POLR3B: variants seen among roughly 807,000 people sequenced by gnomAD.
POLR3B encodes RNA polymerase III subunit B, also known as DNA-directed RNA polymerase III subunit RPC2.
In POLR3B, 96 loss-of-function variants were observed where a neutral mutation model predicts 147.4. The observed-to-expected ratio is 0.65, with a 90% CI of 0.55 to 0.77. POLR3B has a LOEUF of 0.77. POLR3B is among the 30% of genes least tolerant of loss of function. The pLI is 0.00. For missense variants in POLR3B, 1,036 were observed against 1,413.5 expected (o/e 0.73, Z 4.28); for synonymous variants, 461 against 485.9 (o/e 0.95, Z 0.67).
Position 106,509,572 on chromosome 12 carries a change from A to G in POLR3B, c.*23A>G. 1.2e-6 allele frequency: 2 copies of G among 1,603,474 alleles called. No individual in the cohort carries two copies. Among genetic ancestry groups the G allele is most frequent in the Non-Finnish European group, 1.7e-6 (2 of 1,171,186 alleles). ...TGAGGATGGAAAAAATGATTATTAAAGAGAACAAGTGATACATCCAATGCA... is the reference window on the plus strand; with the variant it reads ...TGAGGATGGAAAAAATGATTATTAAGGAGAACAAGTGATACATCCAATGCA... On this transcript the variant is annotated 3_prime_UTR_variant, in exon 28 of 28. Transcript: ENST00000228347.
intron 10 of POLR3B, among the ~76,000 whole-genome samples, chr12:106,401,580 C>T (rs1019125009): frequency 9.2e-5 from 14 of 152,050 alleles, no homozygotes; most frequent in Non-Finnish European, 1.2e-4. Flanking sequence ...ACTGGCAAAC[C>T]GAATCCAGCA....
intron 21 of POLR3B, 95 bp downstream of exon 21, chr12:106,457,391 A>G: frequency 1.0e-6 from 1 of 978,906 alleles, no homozygotes; most frequent in Non-Finnish European, 1.6e-6. Flanking sequence ...GGCAGAAAAA[A>G]GTAACAACCT....
chr12:106,418,915 T>C (rs2037339191), intron 12 of POLR3B, among the ~76,000 whole-genome samples: 1 of 152,216 alleles, frequency 6.6e-6, no homozygotes, highest in Non-Finnish European at 1.5e-5. Flanking sequence ...TTTACTTCTT[T>C]AGTACCAAGG....
intron 1 of POLR3B, among the ~76,000 whole-genome samples, chr12:106,360,162 T>C (rs1245682967): frequency 2.6e-5 from 4 of 152,246 alleles, no homozygotes; most frequent in African/African-American, 9.6e-5. Flanking sequence ...GGCACCTGAC[T>C]TGTCCCAATC....
At chr12:106,469,054 C>T (rs917484543) in intron 23 of POLR3B, among the ~76,000 whole-genome samples, 4 of 152,040 alleles carry the variant, frequency 2.6e-5, no homozygotes, top group Non-Finnish European at 5.9e-5. Flanking sequence ...TAAAGTCTCC[C>T]ATTATTATTT....
chr12:106,405,580 A>ACACACACACACAC (rs2037140566), intron 10 of POLR3B, among the ~76,000 whole-genome samples: 13 of 150,156 alleles, frequency 8.7e-5, no homozygotes, highest in South Asian at 2.1e-4. Context: ...ACACACACAC[A>ACACACACACACAC]AATATATTTT....
intron 8 of POLR3B, 126 bp downstream of exon 8, chr12:106,378,510 A>C (rs11112959): frequency 1.6e-6 from 1 of 642,358 alleles, no homozygotes; most frequent in Non-Finnish European, 2.8e-6. Flanking sequence ...TATTTAAGCT[A>C]TCTGCATTCA....
At chr12:106,385,564 A>G (rs939851585) in intron 9 of POLR3B, among the ~76,000 whole-genome samples, 1 of 152,216 alleles carries the variant, frequency 6.6e-6, no homozygotes, top group African/African-American at 2.4e-5. Flanking sequence ...TCAGAGGAGT[A>G]AGAAAGAAGG....
chr12:106,440,715 C>T (rs1206906586), intron 18 of POLR3B, among the ~76,000 whole-genome samples: 1 of 151,676 alleles, frequency 6.6e-6, no homozygotes, highest in Admixed American at 6.6e-5. Context: ...CTATCCACTC[C>T]TCTTTACTAC....
At chr12:106,421,711 A>T (rs192850483) in intron 12 of POLR3B, among the ~76,000 whole-genome samples, 6,387 of 151,150 alleles carry the variant, frequency 0.042, 181 homozygotes, top group Non-Finnish European at 0.059. Context: ...ATATATATAT[A>T]TTTTTTGAGA....
At chr12:106,420,388 T>C (rs561676186) in intron 12 of POLR3B, among the ~76,000 whole-genome samples, 1 of 152,308 alleles carries the variant, frequency 6.6e-6, no homozygotes, top group South Asian at 2.1e-4. Flanking sequence ...CTTTTTCTTC[T>C]GTTTCTTCAG....
At position 106,496,150 on chromosome 12, in the gene POLR3B, C is replaced by T. The variant is rs763154774; in HGVS notation, c.2809C>T (p.Arg937Ter). The change falls in exon 24 of 28, where the codon CGA becomes TGA. Residue 937 changes from arginine to a stop codon, truncating the protein, a stop_gained. Coordinates refer to ENST00000228347, the MANE Select transcript of POLR3B (RefSeq NM_018082.6). LOFTEE classifies it high-confidence loss of function. ...CATGAACCCACACGGCTTCCCATCACGAATGACGGTCAGTGACCTGTAGGT... is the reference window on the plus strand; with the variant it reads ...CATGAACCCACACGGCTTCCCATCATGAATGACGGTCAGTGACCTGTAGGT... ...IIMNPHGFPSRMTVGKLIELL... is the reference protein window; with the variant it reads ...IIMNPHGFPS 1.1e-5 allele frequency: 17 copies of T among 1,590,234 alleles called. No individual in the cohort carries two copies. Among genetic ancestry groups the T allele is most frequent in the African/African-American group, 1.3e-5 (1 of 74,410 alleles).
chr12:106,423,157 C>CA (rs2037393672), intron 12 of POLR3B, among the ~76,000 whole-genome samples: 1 of 152,088 alleles, frequency 6.6e-6, no homozygotes, highest in African/African-American at 2.4e-5. Context: ...CAACTATTAT[C>CA]AGTAGAAGGC....
In POLR3B at chr12:106,385,859, G is replaced by T. The variant is rs190836311; in HGVS notation, c.723+5720G>T. ...TGAGATGGAGCCATTTTCTTTTCAGGATGATGATGATGATAGTCTTAGTAG... is the reference window on the plus strand; with the variant it reads ...TGAGATGGAGCCATTTTCTTTTCAGTATGATGATGATGATAGTCTTAGTAG... On this transcript the variant is annotated intron_variant, in intron 9 of 27. Coordinates refer to ENST00000228347, the MANE Select transcript of POLR3B (RefSeq NM_018082.6). 9.0e-3 allele frequency among the ~76,000 whole-genome samples: 1,364 copies of T among 152,194 alleles called. 8 individuals are homozygous for T. Among genetic ancestry groups the T allele is most frequent in the Non-Finnish European group, 0.015 (1,001 of 68,012 alleles).
intron 23 of POLR3B, among the ~76,000 whole-genome samples, chr12:106,483,709 C>G (rs1391654021): frequency 1.3e-5 from 2 of 152,156 alleles, no homozygotes; most frequent in South Asian, 2.1e-4. Flanking sequence ...TCTGAGGCAG[C>G]CTCTTCTGTA....
At chr12:106,474,917 G>A (rs2038144288) in intron 23 of POLR3B, among the ~76,000 whole-genome samples, 2 of 146,610 alleles carry the variant, frequency 1.4e-5, no homozygotes, top group African/African-American at 2.6e-5. Flanking sequence ...GCTTTTGAAT[G>A]TGTTCGCTCT....
intron 27 of POLR3B, among the ~76,000 whole-genome samples, chr12:106,506,308 G>A (rs912230538): frequency 6.6e-6 from 1 of 152,134 alleles, no homozygotes; most frequent in Non-Finnish European, 1.5e-5. Flanking sequence ...ACTTCGAAAG[G>A]ATGGTACAGA....
chr12:106,478,799 C>CA (rs200060502), intron 23 of POLR3B, among the ~76,000 whole-genome samples: 65 of 150,698 alleles, frequency 4.3e-4, no homozygotes, highest in African/African-American at 1.1e-3. Flanking sequence ...GTTCTTTGTA[C>CA]AAAAAAAAAC....
chr12:106,482,830 G>C (rs1275483420), intron 23 of POLR3B, among the ~76,000 whole-genome samples: 1 of 152,116 alleles, frequency 6.6e-6, no homozygotes, highest in Non-Finnish European at 1.5e-5. Flanking sequence ...TTAAATAAAG[G>C]ATTTTACATA....
Sources: allele counts gnomAD v4.1 joint callset (sites outside exome capture counted in the v4.1 genomes callset), GRCh38; gene constraint gnomAD v4.1.1; transcripts MANE v1.5; gene names NCBI Gene and HGNC (gene_info 2026-07-23, HGNC 2026-07-21).